HPSE2: variants seen among roughly 807,000 people sequenced by gnomAD.
HPSE2 encodes inactive heparanase-2.
HPSE2 carries 38 observed loss-of-function variants against 60.5 expected under a neutral mutation model. The ratio of observed to expected loss-of-function variants is 0.63; its 90% confidence interval spans 0.48 to 0.82. The LOEUF is 0.82. Among genes scored for constraint, HPSE2 ranks in the 40% least tolerant of loss-of-function variants. The pLI is 0.00. For synonymous variants in HPSE2, 295 were observed against 293.2 expected (o/e 1.01, Z -0.06); for missense variants, 713 against 740.4 (o/e 0.96, Z 0.43).
At chr10:99,228,449 T>C (rs538585505) in intron 2 of HPSE2, among the ~76,000 whole-genome samples, 1 of 152,180 alleles carries the variant, frequency 6.6e-6, no homozygotes, top group East Asian at 1.9e-4. Context: ...GTTATGGTCT[T>C]AAAAAAACAT....
intron 3 of HPSE2, among the ~76,000 whole-genome samples, chr10:98,745,590 A>C (rs1002465663): frequency 5.9e-5 from 9 of 152,174 alleles, no homozygotes; most frequent in African/African-American, 2.2e-4. Context: ...TTTATTTGTT[A>C]GAGAACTCCT....
At chr10:99,247,086 G>T in the HPSE2 span, among the ~76,000 whole-genome samples, 1 of 152,142 alleles carries the variant, frequency 6.6e-6, no homozygotes, top group Non-Finnish European at 1.5e-5. Context: ...TTTCTTACAA[G>T]ATTTCATGTC....
At chr10:98,939,248 T>G (rs1338404736) in intron 3 of HPSE2, among the ~76,000 whole-genome samples, 1 of 143,926 alleles carries the variant, frequency 6.9e-6, no homozygotes, top group East Asian at 2.0e-4. Context: ...TAACTTTAAT[T>G]GTAAATGGAT....
intron 3 of HPSE2, among the ~76,000 whole-genome samples, chr10:98,844,308 G>A (rs994776566): frequency 4.6e-5 from 7 of 152,198 alleles, no homozygotes; most frequent in Non-Finnish European, 8.8e-5. Context: ...CTGGCTATGC[G>A]AGGAGTGGTC....
intron 4 of HPSE2, among the ~76,000 whole-genome samples, chr10:98,722,542 C>T (rs1340498623): frequency 3.9e-5 from 6 of 152,078 alleles, no homozygotes; most frequent in Non-Finnish European, 8.8e-5. Flanking sequence ...AAAACTAATA[C>T]ACATGGTAAG....
chr10:99,249,141 GAA>G, the HPSE2 span, among the ~76,000 whole-genome samples: 11 of 152,202 alleles, frequency 7.2e-5, no homozygotes, highest in Non-Finnish European at 1.0e-4. Flanking sequence ...GTGGAACTGT[GAA>G]AAGAGGGCCA....
At chr10:98,971,271 T>C (rs933712711) in intron 3 of HPSE2, among the ~76,000 whole-genome samples, 1 of 152,246 alleles carries the variant, frequency 6.6e-6, no homozygotes, top group Non-Finnish European at 1.5e-5. Flanking sequence ...GTGGATTTTT[T>C]AAAAAATTCT....
chr10:98,626,334 G>T (rs1351743752), intron 7 of HPSE2, among the ~76,000 whole-genome samples: 1 of 152,014 alleles, frequency 6.6e-6, no homozygotes, highest in Non-Finnish European at 1.5e-5. Flanking sequence ...ATCGTTTATT[G>T]TACATTTGTA....
intron 3 of HPSE2, among the ~76,000 whole-genome samples, chr10:99,128,923 T>A (rs991929939): frequency 1.3e-5 from 2 of 151,716 alleles, no homozygotes; most frequent in African/African-American, 4.8e-5. Flanking sequence ...ACATAACAAC[T>A]CACATCAACT....
At chr10:99,112,439 TTTGTTTTG>T in intron 3 of HPSE2, among the ~76,000 whole-genome samples, 1 of 151,560 alleles carries the variant, frequency 6.6e-6, no homozygotes, top group East Asian at 2.0e-4. Flanking sequence ...TTTGTTTTGT[TTTGTTTTG>T]TTTTGTTTTG....
At chr10:98,509,239 A>G (rs1014037894) in intron 9 of HPSE2, among the ~76,000 whole-genome samples, 2 of 151,948 alleles carry the variant, frequency 1.3e-5, no homozygotes, top group Non-Finnish European at 2.9e-5. Flanking sequence ...ACTTGAACCC[A>G]GGAAGCGGGG....
At chr10:99,053,379 A>G (rs914219671) in intron 3 of HPSE2, among the ~76,000 whole-genome samples, 1 of 152,126 alleles carries the variant, frequency 6.6e-6, no homozygotes, top group African/African-American at 2.4e-5. Context: ...ACAAAAAGTT[A>G]TAGCTAAAAA....
chr10:98,981,897 C>A (rs1956215262), intron 3 of HPSE2, among the ~76,000 whole-genome samples: 1 of 151,998 alleles, frequency 6.6e-6, no homozygotes. Flanking sequence ...TCCCTGTAAC[C>A]CTAATAACTG....
At chr10:99,181,682 A>G (rs1847784046) in intron 2 of HPSE2, among the ~76,000 whole-genome samples, 1 of 152,168 alleles carries the variant, frequency 6.6e-6, no homozygotes, top group South Asian at 2.1e-4. Context: ...TTGAACAATG[A>G]GAACACATGG....
At position 98,591,809 on chromosome 10, in the gene HPSE2, T is replaced by C. The variant is rs113890385; in HGVS notation, c.1320+23095A>G. On this transcript the variant is annotated intron_variant, in intron 9 of 11. Coordinates refer to ENST00000370552, the MANE Select transcript of HPSE2 (RefSeq NM_021828.5). ...TTAGAGCATTTCGTCTTCATTTCAA[T>C]GTATCAGCGCACGTATAACACTGCA... 4.3e-3 allele frequency among the ~76,000 whole-genome samples: 656 copies of C among 152,328 alleles called. 3 individuals are homozygous for C. Among genetic ancestry groups the C allele is most frequent in the African/African-American group, 0.015 (632 of 41,578 alleles).
intron 3 of HPSE2, among the ~76,000 whole-genome samples, chr10:98,929,083 A>G (rs1164067762): frequency 7.0e-6 from 1 of 143,804 alleles, no homozygotes; most frequent in Non-Finnish European, 1.5e-5. Context: ...TTATTTATCC[A>G]TTTACCACCA....
chr10:98,649,711 T>C (rs1268189881), intron 6 of HPSE2, among the ~76,000 whole-genome samples: 2 of 152,186 alleles, frequency 1.3e-5, no homozygotes, highest in African/African-American at 4.8e-5. Context: ...TAAAACTCTA[T>C]TCTTTTCTTT....
intron 3 of HPSE2, among the ~76,000 whole-genome samples, chr10:98,802,442 G>GTA (rs1430488009): frequency 1.3e-5 from 2 of 149,700 alleles, no homozygotes; most frequent in African/African-American, 4.9e-5. Flanking sequence ...TTAGCATTAG[G>GTA]TATAACTCCT....
chr10:99,101,363 A>C (rs1468043466), intron 3 of HPSE2, among the ~76,000 whole-genome samples: 1 of 152,230 alleles, frequency 6.6e-6, no homozygotes, highest in Admixed American at 6.5e-5. Flanking sequence ...AACAGACTTT[A>C]AACCAACAAA....
Sources: allele counts gnomAD v4.1 joint callset (sites outside exome capture counted in the v4.1 genomes callset), GRCh38; gene constraint gnomAD v4.1.1; transcripts MANE v1.5; gene names NCBI Gene and HGNC (gene_info 2026-07-23, HGNC 2026-07-21).